TANC2: variants seen among roughly 807,000 people sequenced by gnomAD.
The protein encoded by TANC2 is tetratricopeptide repeat, ankyrin repeat and coiled-coil containing 2.
Under a neutral mutation model 210.5 loss-of-function variants are expected in TANC2, and 26 were observed. The observed-to-expected ratio is 0.12, with a 90% CI of 0.09 to 0.17. The LOEUF is 0.17. Among genes scored for constraint, TANC2 ranks in the 10% least tolerant of loss-of-function variants. TANC2 has a pLI of 1.00. For synonymous variants in TANC2, 931 were observed against 967.1 expected (o/e 0.96, Z 0.69); for missense variants, 2,129 against 2,608.9 (o/e 0.82, Z 4.01).
intron 6 of TANC2, among the ~76,000 whole-genome samples, chr17:63,200,224 G>A (rs1245309173): frequency 2.6e-5 from 4 of 151,894 alleles, no homozygotes; most frequent in Admixed American, 6.6e-5. Flanking sequence ...GTGTGATGGC[G>A]CATGCCTATA....
chr17:63,124,244 G>A (rs980919310), intron 4 of TANC2, among the ~76,000 whole-genome samples: 1 of 151,082 alleles, frequency 6.6e-6, no homozygotes, highest in Non-Finnish European at 1.5e-5. Context: ...CTGTTCTCGG[G>A]GATCAAGAAG....
At chr17:63,009,562 G>A in exon 2 of TANC2, 1 of 1,612,880 alleles carries the variant, frequency 6.2e-7, no homozygotes, top group Non-Finnish European at 8.5e-7. Flanking sequence ...GTATAACCAT[G>A]TTTCGGAATA....
intron 4 of TANC2, among the ~76,000 whole-genome samples, chr17:63,139,460 T>C (rs2039208683): frequency 6.6e-6 from 1 of 152,124 alleles, no homozygotes; most frequent in African/African-American, 2.4e-5. Context: ...ACCTCATCTC[T>C]ACTAAAAATA....
chr17:63,203,502 C>G (rs1247510727), intron 7 of TANC2, among the ~76,000 whole-genome samples: 1 of 152,034 alleles, frequency 6.6e-6, no homozygotes, highest in African/African-American at 2.4e-5. Context: ...GATTATAGAC[C>G]TGTGTCATCT....
intron 9 of TANC2, among the ~76,000 whole-genome samples, chr17:63,289,119 C>A (rs1298136810): frequency 6.6e-6 from 1 of 152,068 alleles, no homozygotes; most frequent in African/African-American, 2.4e-5. Context: ...ATGATTTGTT[C>A]TTTATCGTAG....
At chr17:63,198,980 T>G (rs1370741690) in intron 6 of TANC2, among the ~76,000 whole-genome samples, 2 of 152,180 alleles carry the variant, frequency 1.3e-5, no homozygotes, top group Non-Finnish European at 2.9e-5. Context: ...ATTTACTTGG[T>G]TGGAGGGTAA....
chr17:63,292,157 A>T (rs2044401020), intron 9 of TANC2, among the ~76,000 whole-genome samples: 6 of 152,210 alleles, frequency 3.9e-5, no homozygotes, highest in Admixed American at 2.6e-4. Flanking sequence ...TCTAGAATAG[A>T]ATAAACTTGG....
chr17:63,321,659 A>C (rs2045497834), intron 11 of TANC2, among the ~76,000 whole-genome samples: 1 of 152,186 alleles, frequency 6.6e-6, no homozygotes, highest in Non-Finnish European at 1.5e-5. Context: ...GGAGCTGGGC[A>C]GGAAAAGAGG....
At position 63,420,927 on chromosome 17, in the gene TANC2, G is replaced by C. The variant is rs752976774; in HGVS notation, c.5197G>C (p.Gly1733Arg). 3 of 1,614,002 alleles carry C rather than the reference G, an allele frequency of 1.9e-6. No homozygotes were observed. The highest frequency in any genetic ancestry group is 2.5e-6 in the Non-Finnish European group (3 of 1,179,902). The change falls in exon 28 of 28, where the codon GGA (glycine) becomes CGA (arginine). Residue 1733 changes from glycine to arginine, a missense_variant. Physicochemically the swap from Gly to Arg is moderately radical, Grantham distance 125. Around this residue, in one of 5 missense-constraint regions of TANC2, gnomAD observed 584 missense variants for 627.3 expected, o/e 0.93. Coordinates refer to ENST00000689528, the Ensembl canonical transcript of TANC2. This position sits in a 1 kb window ranked among gnomAD's most constrained non-coding sequence, Gnocchi z 4.2. ...GGCCAGTAAATACCAGTCTTCACAA[G>C]GAGACATAGGAGTCAGCCAGAGCCG...
At chr17:62,981,233 C>T (rs1240086275) in intron 1 of TANC2, among the ~76,000 whole-genome samples, 2 of 152,112 alleles carry the variant, frequency 1.3e-5, no homozygotes, top group Non-Finnish European at 2.9e-5. Flanking sequence ...AGCTGATGAC[C>T]TTGCTTTCTG....
chr17:63,320,206 G>T (rs764764728), intron 11 of TANC2, among the ~76,000 whole-genome samples: 106 of 152,214 alleles, frequency 7.0e-4, no homozygotes, highest in Middle Eastern at 3.4e-3. Context: ...TTTAAAATTT[G>T]CTTATTTTTC....
At chr17:63,426,974 T>TG (rs1568016426) in exon 28 of TANC2, 2 of 152,050 alleles carry the variant, frequency 1.3e-5, no homozygotes, top group Admixed American at 6.5e-5. Flanking sequence ...ACCAATTTAC[T>TG]GGGGGGAAAA....
intron 14 of TANC2, among the ~76,000 whole-genome samples, chr17:63,378,649 C>T (rs1172957139): frequency 6.6e-6 from 1 of 152,188 alleles, no homozygotes; most frequent in Admixed American, 6.5e-5. Context: ...CTTTCTCTTT[C>T]ATAAACAGGT....
At chr17:63,353,110 A>G (rs928399361) in intron 13 of TANC2, among the ~76,000 whole-genome samples, 5 of 152,284 alleles carry the variant, frequency 3.3e-5, no homozygotes, top group South Asian at 4.1e-4. Context: ...CTGGCCGTCT[A>G]CATAATAAAA....
chr17:63,086,542 C>T (rs1447589091), intron 3 of TANC2, among the ~76,000 whole-genome samples: 1 of 152,174 alleles, frequency 6.6e-6, no homozygotes, highest in Non-Finnish European at 1.5e-5. Flanking sequence ...CTTATTCTTT[C>T]ATAGAAGTTC....
At chr17:63,298,054 CAA>C (rs753169031) in intron 9 of TANC2, among the ~76,000 whole-genome samples, 1 of 152,026 alleles carries the variant, frequency 6.6e-6, no homozygotes, top group African/African-American at 2.4e-5. Context: ...AAAAAACTAA[CAA>C]GTGTTAATGA....
At chr17:62,970,057 C>T (rs2031605645) in intron 1 of TANC2, among the ~76,000 whole-genome samples, 1 of 152,164 alleles carries the variant, frequency 6.6e-6, no homozygotes, top group Non-Finnish European at 1.5e-5. Context: ...GCCTTTTACC[C>T]AGTTTAAGAA....
At chr17:62,993,113 A>G (rs942938217) in intron 1 of TANC2, among the ~76,000 whole-genome samples, 1 of 152,194 alleles carries the variant, frequency 6.6e-6, no homozygotes, top group African/African-American at 2.4e-5. Flanking sequence ...ATTTGTGACT[A>G]CATTGGGTCT....
intron 5 of TANC2, chr17:63,155,227 A>T (rs1277355004): frequency 6.6e-6 from 1 of 151,990 alleles, no homozygotes; most frequent in Non-Finnish European, 1.5e-5. Context: ...AAAAACAAAA[A>T]CAAAACAACC....
Sources: gnomAD v4.1 joint callset for allele counts (sites outside exome capture counted in the v4.1 genomes callset) on GRCh38, gnomAD v4.1.1 for gene constraint, gnomAD v4.1.1 regional missense constraint, Gnocchi (gnomAD v3.1) non-coding constraint, MANE v1.5 for transcripts, NCBI Gene and HGNC (gene_info 2026-07-23, HGNC 2026-07-21) for gene names.